Variants in PALS1 observed in about 807,000 individuals in gnomAD.
The protein encoded by PALS1 is protein PALS1.
In PALS1, 31 loss-of-function variants were observed where a neutral mutation model predicts 78.9. The observed-to-expected ratio is 0.39, with a 90% confidence interval of 0.30 to 0.53. The LOEUF is 0.53. PALS1 is among the 20% of genes least tolerant of loss of function. The pLI is 0.67. For synonymous variants in PALS1, 276 were observed against 270.9 expected, an observed-to-expected ratio of 1.02 and a Z score of -0.18; for missense variants, 704 against 826.5, an observed-to-expected ratio of 0.85 and a Z score of 1.82.
At chr14:67,325,566 C>T (rs1009076780) in intron 14 of PALS1, among the ~76,000 whole-genome samples, 7 of 152,038 alleles carry the variant, frequency 4.6e-5, no homozygotes, top group African/African-American at 1.4e-4. Flanking sequence ...ACAAGAGAAA[C>T]GAGATTAATA....
At chr14:67,266,001 G>T (rs1417322361) in intron 1 of PALS1, among the ~76,000 whole-genome samples, 3 of 152,082 alleles carry the variant, frequency 2.0e-5, no homozygotes, top group African/African-American at 2.4e-5. Flanking sequence ...TAGAGACAAG[G>T]TCTCACTGTG....
At chr14:67,306,513 T>TTG (rs35688419) in intron 8 of PALS1, among the ~76,000 whole-genome samples, 13,889 of 147,456 alleles carry the variant, frequency 0.094, 782 homozygotes, top group Non-Finnish European at 0.14. Context: ...CTGGCTGAAT[T>TTG]TGTGTGTGTG....
At chr14:67,285,685 T>TG (rs2084674563) in intron 3 of PALS1, among the ~76,000 whole-genome samples, 1 of 152,124 alleles carries the variant, frequency 6.6e-6, no homozygotes, top group Admixed American at 6.5e-5. Flanking sequence ...GTAATTTTAA[T>TG]GTTTACCCTT....
At chr14:67,294,892 T>TTGATCTCCTGACCTCGTGATCC (rs1333623658) in intron 4 of PALS1, 1 of 152,142 alleles carries the variant, frequency 6.6e-6, no homozygotes, top group African/African-American at 2.4e-5. Flanking sequence ...CAGGATGGTC[T>TTGATCTCCTGACCTCGTGATCC]TGATCTCCTG....
chr14:67,278,467 C>T (rs555300135), intron 2 of PALS1, among the ~76,000 whole-genome samples: 2 of 152,020 alleles, frequency 1.3e-5, no homozygotes, highest in East Asian at 3.9e-4. Flanking sequence ...TGGGCATGTT[C>T]TCCATCTCAA....
intron 14 of PALS1, among the ~76,000 whole-genome samples, chr14:67,324,526 T>C (rs2085319372): frequency 6.6e-6 from 1 of 152,220 alleles, no homozygotes; most frequent in South Asian, 2.1e-4. Flanking sequence ...TTAAAGATAG[T>C]CATTAAAAGC....
In PALS1 at chr14:67,302,356, T is replaced by A; in HGVS notation, c.802-54T>A. On this transcript the variant is annotated intron_variant, in intron 6 of 14. Transcript: ENST00000261681. ...AAAAATAGAATTTAAAAATAAATGC[T>A]TAACAAAAATTGTATTATTTTTATT... is the stretch of plus-strand genomic sequence containing the variant. 5 of 1,257,404 alleles carry A rather than the reference T, an allele frequency of 4.0e-6. No homozygotes were observed. In the South Asian group the frequency reaches 8.7e-5, roughly 22 times the overall value. The allele number at this position is 1,257,404 out of a possible 1,614,324, so 77.9% of individuals were successfully genotyped here.
chr14:67,252,750 A>G (rs1241201400), intron 1 of PALS1, among the ~76,000 whole-genome samples: 3 of 152,336 alleles, frequency 2.0e-5, no homozygotes, highest in Non-Finnish European at 4.4e-5. Context: ...CACATAGTAG[A>G]TGCTTGGTTT....
At chr14:67,327,325 T>C (rs1004098974) in intron 14 of PALS1, among the ~76,000 whole-genome samples, 2 of 151,946 alleles carry the variant, frequency 1.3e-5, no homozygotes, top group African/African-American at 4.8e-5. Context: ...GTTTTAATTG[T>C]ATAAAAAACT....
chr14:67,244,928 A>G (rs2083965845), intron 1 of PALS1, among the ~76,000 whole-genome samples: 1 of 152,174 alleles, frequency 6.6e-6, no homozygotes, highest in South Asian at 2.1e-4. Context: ...CAGAATCTTT[A>G]AAAAAGGAAA....
chr14:67,250,016 T>C (rs2084043687), intron 1 of PALS1, among the ~76,000 whole-genome samples: 1 of 152,226 alleles, frequency 6.6e-6, no homozygotes, highest in South Asian at 2.1e-4. Context: ...TGAGTTTCTA[T>C]CAAGATAAAG....
intron 1 of PALS1, among the ~76,000 whole-genome samples, chr14:67,257,327 T>C (rs1033273388): frequency 4.6e-5 from 7 of 151,938 alleles, no homozygotes; most frequent in African/African-American, 1.7e-4. Context: ...CCACAAGGAA[T>C]TTCCTTGTGG....
At chr14:67,291,963 G>C (rs1344891241) in intron 3 of PALS1, among the ~76,000 whole-genome samples, 2 of 152,134 alleles carry the variant, frequency 1.3e-5, no homozygotes, top group South Asian at 2.1e-4. Context: ...CAGAATCTCA[G>C]ACAAATTTAT....
At chr14:67,284,237 G>GTTA (rs2084642862) in intron 3 of PALS1, among the ~76,000 whole-genome samples, 1 of 151,710 alleles carries the variant, frequency 6.6e-6, no homozygotes, top group Non-Finnish European at 1.5e-5. Flanking sequence ...ACTTTATTAA[G>GTTA]GTATAATTCA....
chr14:67,305,642 GA>G (rs1405577782), intron 8 of PALS1, among the ~76,000 whole-genome samples: 1 of 152,186 alleles, frequency 6.6e-6, no homozygotes, highest in East Asian at 1.9e-4. Context: ...TTCTGTAAAA[GA>G]AAAGCCATTT....
chr14:67,312,356 T>A (rs1404665869), intron 8 of PALS1, among the ~76,000 whole-genome samples, 171 bp from the exon 9 acceptor site: 2 of 152,292 alleles, frequency 1.3e-5, no homozygotes, highest in East Asian at 1.9e-4. Flanking sequence ...GGGAGAAGGA[T>A]CGCTTGAGGC....
At chr14:67,266,116 C>A (rs553009566) in intron 1 of PALS1, among the ~76,000 whole-genome samples, 1 of 152,016 alleles carries the variant, frequency 6.6e-6, no homozygotes, top group South Asian at 2.1e-4. Context: ...GTAAAAACTT[C>A]TTTTATATTG....
At chr14:67,248,355 TA>T (rs918290115) in intron 1 of PALS1, among the ~76,000 whole-genome samples, 23 of 147,028 alleles carry the variant, frequency 1.6e-4, no homozygotes, top group Admixed American at 2.7e-4. Context: ...TCTCTTTTCT[TA>T]AAAAAAAAAG....
At chr14:67,274,271 C>A (rs1233823585) in intron 2 of PALS1, among the ~76,000 whole-genome samples, 5 of 152,336 alleles carry the variant, frequency 3.3e-5, no homozygotes, top group African/African-American at 1.2e-4. Context: ...ACATTTAAGT[C>A]TTTAATCCAT....
Sources: gnomAD v4.1 joint callset for allele counts (sites outside exome capture counted in the v4.1 genomes callset) on GRCh38, gnomAD v4.1.1 for gene constraint, MANE v1.5 for transcripts, NCBI Gene and HGNC (gene_info 2026-07-23, HGNC 2026-07-21) for gene names.